PRELID2: variants seen among roughly 807,000 people sequenced by gnomAD.
PRELID2 encodes PRELI domain containing 2.
PRELID2 carries 25 observed loss-of-function variants against 28.4 expected under a neutral mutation model. The ratio of observed to expected loss-of-function variants is 0.88; its 90% CI spans 0.64 to 1.23. The LOEUF (loss-of-function observed/expected upper bound fraction) is 1.23. Ranked by LOEUF, PRELID2 falls within the 50% of genes most tolerant of loss-of-function variation. PRELID2 has a pLI of 0.00. For synonymous variants in PRELID2, 76 were observed against 71.6 expected (o/e 1.06, Z -0.31); for missense variants, 201 against 214.4 (o/e 0.94, Z 0.39).
the PRELID2 span, among the ~76,000 whole-genome samples, chr5:145,425,458 A>C: frequency 6.6e-6 from 1 of 152,258 alleles, no homozygotes; most frequent in Admixed American, 6.5e-5. Context: ...ATGCATGAAT[A>C]CATTAACTGC....
the PRELID2 span, among the ~76,000 whole-genome samples, chr5:145,375,701 C>T: frequency 6.6e-6 from 1 of 152,104 alleles, no homozygotes; most frequent in Non-Finnish European, 1.5e-5. Flanking sequence ...CAGGGAAGGC[C>T]TGTGCAGTGA....
chr5:145,682,851 T>C (rs1434366873), intron 1 of PRELID2, among the ~76,000 whole-genome samples: 1 of 152,216 alleles, frequency 6.6e-6, no homozygotes, highest in African/African-American at 2.4e-5. Flanking sequence ...GGCTTTCACT[T>C]GGCATAAAAA....
chr5:145,752,265 C>A (rs1350120190), downstream of PRELID2, among the ~76,000 whole-genome samples: 1 of 152,170 alleles, frequency 6.6e-6, no homozygotes, highest in Non-Finnish European at 1.5e-5. Flanking sequence ...CTTGACAGAA[C>A]AATTAACACC....
intron 1 of PRELID2, among the ~76,000 whole-genome samples, chr5:145,632,604 A>G (rs1006409356): frequency 2.6e-5 from 4 of 152,182 alleles, no homozygotes; most frequent in South Asian, 2.1e-4. Context: ...AATATTCTCC[A>G]TAAGTTTAGA....
chr5:145,601,575 G>T (rs1381739258), intron 1 of PRELID2, among the ~76,000 whole-genome samples: 1 of 152,110 alleles, frequency 6.6e-6, no homozygotes, highest in African/African-American at 2.4e-5. Flanking sequence ...ATTCTTAGAA[G>T]AACTTTTAAA....
intron 1 of PRELID2, among the ~76,000 whole-genome samples, chr5:145,741,193 C>T (rs193191447): frequency 9.0e-6 from 1 of 110,938 alleles, no homozygotes; most frequent in Non-Finnish European, 1.6e-5. Context: ...ATAATATATA[C>T]TATACAGATA....
chr5:145,726,317 GAGAA>G (rs1403995778), intron 1 of PRELID2, among the ~76,000 whole-genome samples: 1 of 142,712 alleles, frequency 7.0e-6, no homozygotes, highest in Non-Finnish European at 1.5e-5. Context: ...GAGAGAGAGA[GAGAA>G]AGAGAGAAAG....
chr5:145,408,544 A>C, the PRELID2 span, among the ~76,000 whole-genome samples: 5 of 150,128 alleles, frequency 3.3e-5, no homozygotes, highest in East Asian at 3.9e-4. Flanking sequence ...GACAATCACA[A>C]CTTCTGGAAC....
chr5:145,304,517 A>T, the PRELID2 span, among the ~76,000 whole-genome samples: 1 of 152,184 alleles, frequency 6.6e-6, no homozygotes, highest in Non-Finnish European at 1.5e-5. Flanking sequence ...TTTTGAGGTG[A>T]GGTTAATCAT....
the PRELID2 span, among the ~76,000 whole-genome samples, chr5:145,230,443 G>C: frequency 2.6e-5 from 4 of 152,120 alleles, no homozygotes; most frequent in Non-Finnish European, 5.9e-5. Context: ...GCTGGGTATG[G>C]TGGTGCACGC....
chr5:145,681,105 A>AGG (rs1754927226), intron 1 of PRELID2, among the ~76,000 whole-genome samples: 1 of 152,156 alleles, frequency 6.6e-6, no homozygotes, highest in Non-Finnish European at 1.5e-5. Flanking sequence ...AAAAGTACTC[A>AGG]GGGGGAAGCT....
At chr5:145,333,933 G>T in the PRELID2 span, among the ~76,000 whole-genome samples, 4 of 152,064 alleles carry the variant, frequency 2.6e-5, no homozygotes, top group African/African-American at 7.2e-5. Flanking sequence ...GAATCTCCTG[G>T]TCTGTGAGTT....
At chr5:145,507,155 A>G (rs1048238261) in intron 1 of PRELID2, among the ~76,000 whole-genome samples, 5 of 151,994 alleles carry the variant, frequency 3.3e-5, no homozygotes, top group Admixed American at 6.5e-5. Context: ...TTTGCTTTTC[A>G]TTCCAATGTT....
the PRELID2 span, among the ~76,000 whole-genome samples, chr5:145,375,221 A>T: frequency 6.6e-6 from 1 of 152,000 alleles, no homozygotes; most frequent in Non-Finnish European, 1.5e-5. Context: ...TTCAATAATC[A>T]AGTCCCACTT....
intron 1 of PRELID2, among the ~76,000 whole-genome samples, chr5:145,827,085 A>C (rs1755243508): frequency 1.3e-5 from 2 of 152,214 alleles, no homozygotes; most frequent in African/African-American, 4.8e-5. Context: ...AGAGTCCTTC[A>C]AAGAAGGCAA....
chr5:145,663,718 C>T (rs764826070), intron 1 of PRELID2, among the ~76,000 whole-genome samples: 2 of 152,052 alleles, frequency 1.3e-5, no homozygotes, highest in African/African-American at 4.8e-5. Flanking sequence ...ATCCTAACCC[C>T]GACTTCATCA....
intron 1 of PRELID2, among the ~76,000 whole-genome samples, chr5:145,653,787 G>A (rs1054457567): frequency 6.6e-6 from 1 of 152,188 alleles, no homozygotes; most frequent in African/African-American, 2.4e-5. Context: ...ATGCCCACAA[G>A]AGAAAGCAGG....
intron 1 of PRELID2, among the ~76,000 whole-genome samples, chr5:145,663,191 G>T (rs1431572436): frequency 6.6e-6 from 1 of 152,086 alleles, no homozygotes; most frequent in Non-Finnish European, 1.5e-5. Context: ...GAACCAAGAT[G>T]CAAGAATGAC....
chr5:145,650,686 C>T (rs926864741), intron 1 of PRELID2, among the ~76,000 whole-genome samples: 9 of 151,046 alleles, frequency 6.0e-5, no homozygotes, highest in Admixed American at 6.6e-5. Flanking sequence ...CTTATAGAGG[C>T]TCTTCAGAGG....
Sources: allele counts gnomAD v4.1 joint callset (sites outside exome capture counted in the v4.1 genomes callset), GRCh38; gene constraint gnomAD v4.1.1; transcripts MANE v1.5; gene names NCBI Gene and HGNC (gene_info 2026-07-23, HGNC 2026-07-21).